Variants in XPR1 observed in about 807,000 individuals in gnomAD.
XPR1 encodes the protein solute carrier family 53 member 1.
XPR1 carries 28 observed loss-of-function variants against 87.5 expected under a neutral mutation model. The ratio of observed to expected loss-of-function variants is 0.32; its 90% CI spans 0.24 to 0.44. The LOEUF (loss-of-function observed/expected upper bound fraction) is 0.44, where lower values mean the gene tolerates loss of function less well. Ranked by LOEUF, XPR1 falls within the 20% of genes least tolerant of loss-of-function variation. The pLI, the probability that XPR1 is intolerant of heterozygous loss-of-function variation, is 1.00. For missense variants in XPR1, 559 were observed against 862.3 expected (o/e 0.65, Z 4.41); for synonymous variants, 300 against 306.1 (o/e 0.98, Z 0.21).
chr1:180,694,446 T>C (rs966694209), intron 2 of XPR1, among the ~76,000 whole-genome samples: 1 of 152,118 alleles, frequency 6.6e-6, no homozygotes, highest in Non-Finnish European at 1.5e-5. Flanking sequence ...GGCCAATAGA[T>C]ATTAGTCAGA....
intron 1 of XPR1, among the ~76,000 whole-genome samples, chr1:180,665,635 G>A (rs1453030560): frequency 1.3e-5 from 2 of 152,176 alleles, no homozygotes; most frequent in African/African-American, 4.8e-5. Flanking sequence ...AGTGTTGGCA[G>A]CACTGGGTTC....
chr1:180,654,764 A>T (rs1395496624), intron 1 of XPR1, among the ~76,000 whole-genome samples: 3 of 152,146 alleles, frequency 2.0e-5, no homozygotes, highest in Non-Finnish European at 2.9e-5. Context: ...TTAAGGCTGA[A>T]TATTATTCTA....
intron 2 of XPR1, among the ~76,000 whole-genome samples, chr1:180,736,609 G>A (rs1031763358): frequency 6.6e-6 from 1 of 152,194 alleles, no homozygotes; most frequent in African/African-American, 2.4e-5. Flanking sequence ...CTGTTTGTAT[G>A]TCAGGCACTG....
intron 1 of XPR1, among the ~76,000 whole-genome samples, chr1:180,664,545 A>G (rs745432559): frequency 2.0e-5 from 3 of 151,804 alleles, no homozygotes; most frequent in Non-Finnish European, 4.4e-5. Flanking sequence ...ACTCTTCCCT[A>G]CCCTCTCTTC....
At chr1:180,683,736 A>G (rs572799916) in intron 2 of XPR1, among the ~76,000 whole-genome samples, 1 of 151,892 alleles carries the variant, frequency 6.6e-6, no homozygotes, top group Admixed American at 6.5e-5. Context: ...GCATTTTTTC[A>G]TGTGTTTTTT....
At chr1:180,681,803 G>A (rs1481610639) in intron 1 of XPR1, among the ~76,000 whole-genome samples, 1 of 151,782 alleles carries the variant, frequency 6.6e-6, no homozygotes, top group African/African-American at 2.4e-5. Context: ...GAGTAGCTAG[G>A]GCATCACCAT....
At chr1:180,837,540 A>G (rs531714934) in intron 11 of XPR1, among the ~76,000 whole-genome samples, 2 of 152,236 alleles carry the variant, frequency 1.3e-5, no homozygotes, top group East Asian at 3.9e-4. Flanking sequence ...CTGTCAATCT[A>G]AAGTGTGTCT....
intron 9 of XPR1, among the ~76,000 whole-genome samples, chr1:180,834,595 A>G (rs1651205541): frequency 1.3e-5 from 2 of 152,074 alleles, no homozygotes; most frequent in Admixed American, 1.3e-4. Context: ...CAATATTTGG[A>G]TTTTTGCAAA....
chr1:180,768,355 A>G (rs1261772160), intron 2 of XPR1, among the ~76,000 whole-genome samples: 3 of 152,224 alleles, frequency 2.0e-5, no homozygotes, highest in Non-Finnish European at 4.4e-5. Context: ...CCAAAAATAA[A>G]TGGTCAGAAT....
rs533793500 is a variant in XPR1, at chr1:180,783,708, T to C, written c.122-4045T>C. 4.9e-4 allele frequency among the ~76,000 whole-genome samples: 74 copies of C among 152,068 alleles called. 2 individuals carry two copies. Among genetic ancestry groups the C allele is most frequent in the Non-Finnish European group, 7.9e-4 (54 of 67,986 alleles). The stretch of plus-strand genomic sequence containing the variant: ...TGCTTAATGTTACATAATATCATAA[T>C]GTACTTAACCACTCCCCTTTTGGAC... On this transcript the variant is annotated intron_variant, in intron 2 of 14. Coordinates refer to ENST00000367590, the MANE Select transcript of XPR1 (RefSeq NM_004736.4).
rs1651307983 is a variant in XPR1 at position 180,836,725 on chromosome 1, T to A, written c.1501+9T>A. ...TTACAGCACTCACAAAGGTATTCTG[T>A]GATTGACTCTGAAGAGATTTTTTTA... On this transcript the variant is annotated intron_variant, in intron 11 of 14. Transcript: ENST00000367590. 6 of 1,613,046 alleles carry A rather than the reference T, an allele frequency of 3.7e-6. No individual in the cohort carries two copies. In the South Asian group the frequency reaches 6.6e-5, roughly 18 times the overall value.
chr1:180,817,435 G>C (rs996330350), intron 7 of XPR1, among the ~76,000 whole-genome samples: 2 of 152,090 alleles, frequency 1.3e-5, no homozygotes, highest in Non-Finnish European at 2.9e-5. Context: ...CAGTCCTATA[G>C]CTCCATTCAT....
intron 1 of XPR1, among the ~76,000 whole-genome samples, chr1:180,662,311 G>A (rs12087562): frequency 6.6e-6 from 1 of 151,732 alleles, no homozygotes. Context: ...TTTTTATTTT[G>A]TTATTCCAGA....
Position 180,863,716 on chromosome 1 carries a change from C to A in XPR1, c.1510C>A (p.His504Asn). The A allele has an allele frequency of 6.4e-7, 1 of 1,574,228 alleles. No individual in the cohort carries two copies. The highest frequency in any genetic ancestry group is 8.6e-7 in the Non-Finnish European group (1 of 1,165,746). Residue 504 changes from histidine to asparagine, a missense_variant, in exon 12 of 15, where the codon CAC (histidine) becomes AAC (asparagine). Physicochemically the swap from His to Asn is moderately conservative, Grantham distance 68. Coordinates refer to ENST00000367590, the MANE Select transcript of XPR1 (RefSeq NM_004736.4). ...CCCTCTTCTTTCTTCAGAACGAGGT[C>A]ACTCGGACACTATGGTGTTCTTTTA... ...ALYSTHKERGHSDTMVFFYLW... is the reference protein window; with the variant it reads ...ALYSTHKERGNSDTMVFFYLW...
At chr1:180,725,210 G>T (rs995439778) in intron 2 of XPR1, among the ~76,000 whole-genome samples, 1 of 152,132 alleles carries the variant, frequency 6.6e-6, no homozygotes, top group African/African-American at 2.4e-5. Flanking sequence ...ATTTATTGTA[G>T]CATCATTTTA....
At position 180,884,853 on chromosome 1, in the gene XPR1, T is replaced by G. The variant is rs1652960924; in HGVS notation, c.*787T>G. On this transcript the variant is annotated 3_prime_UTR_variant, in exon 15 of 15. Transcript: ENST00000367590. Reference sequence around the variant, plus strand: ...TGCACCAGTTTGACCTTTTCTTTTCTTTGTTTTTATTTTAAGCCAAAGTTT... The same window carrying G: ...TGCACCAGTTTGACCTTTTCTTTTCGTTGTTTTTATTTTAAGCCAAAGTTT... 1 of 152,578 alleles carries G rather than the reference T, an allele frequency of 6.6e-6. No homozygotes were observed. Among genetic ancestry groups the G allele is most frequent in the Non-Finnish European group, 1.5e-5 (1 of 68,052 alleles). 9.5% of individuals were successfully genotyped at this position (152,578 alleles called of 1,614,324 possible). A position where few individuals can be genotyped will look rare whatever the true frequency, so the allele number is the denominator to read the frequency against.
chr1:180,749,643 A>T (rs1385186654), intron 2 of XPR1, among the ~76,000 whole-genome samples: 1 of 89,614 alleles, frequency 1.1e-5, no homozygotes, highest in African/African-American at 3.8e-5. Context: ...TATACATCAC[A>T]CACACACACA....
At chr1:180,716,130 T>TG (rs1053070267) in intron 2 of XPR1, among the ~76,000 whole-genome samples, 2 of 152,112 alleles carry the variant, frequency 1.3e-5, no homozygotes, top group East Asian at 1.9e-4. Context: ...TACAGAGTTT[T>TG]GGGGGGTTTT....
intron 2 of XPR1, among the ~76,000 whole-genome samples, chr1:180,714,140 A>G (rs150452090): frequency 3.9e-5 from 6 of 152,278 alleles, no homozygotes; most frequent in Admixed American, 6.5e-5. Context: ...AAAGTTATTT[A>G]TAATATTTCC....
Sources: allele counts gnomAD v4.1 joint callset (sites outside exome capture counted in the v4.1 genomes callset), GRCh38; gene constraint gnomAD v4.1.1; transcripts MANE v1.5; gene names NCBI Gene and HGNC (gene_info 2026-07-23, HGNC 2026-07-21).